ANKRD27: variants seen among roughly 807,000 people sequenced by gnomAD.
ANKRD27 encodes ankyrin repeat domain 27, also known as ankyrin repeat domain-containing protein 27.
ANKRD27 carries 112 observed loss-of-function variants against 129.7 expected under a neutral mutation model. The observed-to-expected ratio is 0.86, with a 90% CI of 0.74 to 1.01. The LOEUF is 1.01. Ranked by LOEUF, ANKRD27 falls within the 50% of genes least tolerant of loss-of-function variation. ANKRD27 has a pLI of 0.00. For synonymous variants in ANKRD27, 516 were observed against 511.2 expected, an observed-to-expected ratio of 1.01 and a Z score of -0.13; for missense variants, 1,258 against 1,300.5, an observed-to-expected ratio of 0.97 and a Z score of 0.50.
At chr19:32,650,669 C>T (rs1158681983) in intron 2 of ANKRD27, among the ~76,000 whole-genome samples, 3 of 142,786 alleles carry the variant, frequency 2.1e-5, no homozygotes, top group Non-Finnish European at 4.5e-5. Context: ...CAGAGCAAGA[C>T]TCTGTCTTTA....
chr19:32,673,811 C>T (rs1159845631), intron 1 of ANKRD27, among the ~76,000 whole-genome samples: 3 of 152,064 alleles, frequency 2.0e-5, no homozygotes, highest in Admixed American at 6.6e-5. Context: ...CCTTAGGCCA[C>T]CTCAACACCA....
intron 13 of ANKRD27, among the ~76,000 whole-genome samples, chr19:32,629,776 A>G (rs950868006): frequency 6.6e-6 from 1 of 151,554 alleles, no homozygotes; most frequent in Admixed American, 6.6e-5. Context: ...CAGACAACAC[A>G]TCTCTGAACA....
Position 32,597,756 on chromosome 19 carries a change from C to G in ANKRD27, c.*389G>C. 1 of 217,006 alleles carries G rather than the reference C, an allele frequency of 4.6e-6. No homozygotes were observed. The highest frequency in any genetic ancestry group is 1.0e-4 in the East Asian group (1 of 9,840). 13.4% of individuals were successfully genotyped at this position (217,006 alleles called of 1,614,324 possible). On this transcript the variant is annotated 3_prime_UTR_variant, in exon 29 of 29. Transcript: ENST00000306065. The stretch of plus-strand genomic sequence containing the variant: ...TTAATCCTAGGTGGAGGAATTCTAG[C>G]TGTGGTTTGTGAATGTACACAGGTC...
At chr19:32,656,080 AAAG>A (rs752691795) in intron 2 of ANKRD27, among the ~76,000 whole-genome samples, 91 of 26,336 alleles carry the variant, frequency 3.5e-3, no homozygotes, top group Middle Eastern at 0.021. Context: ...AGAAAGAAAG[AAAG>A]AAAGAAAGAA....
At chr19:32,602,944 A>G (rs1177486547) in intron 25 of ANKRD27, among the ~76,000 whole-genome samples, 1 of 152,132 alleles carries the variant, frequency 6.6e-6, no homozygotes, top group African/African-American at 2.4e-5. Context: ...AAAATTCAAC[A>G]TAATCATTTA....
In ANKRD27 at chr19:32,631,453, T is replaced by C. The variant is rs377036665; in HGVS notation, c.1158A>G (p.Arg386=). 1 of 1,614,080 alleles carries C rather than the reference T, an allele frequency of 6.2e-7. No homozygotes were observed. The highest frequency in any genetic ancestry group is 8.5e-7 in the Non-Finnish European group (1 of 1,180,012). ...GFGDRLFLKQ[R]MSLLSQMTSS... is the part of the protein sequence containing the mutation. ...AAGTCATCTGAGAGAGTAAGCTCAT[T>C]CTCTGCTTAAGGAACAGCCTGTCTC... Residue 386 remains arginine, a synonymous_variant, in exon 13 of 29, where the codon AGA becomes AGG. Coordinates refer to ENST00000306065, the MANE Select transcript of ANKRD27 (RefSeq NM_032139.3).
At chr19:32,617,733 G>T in intron 20 of ANKRD27, 100 bp from the exon 21 acceptor site, 1 of 526,338 alleles carries the variant, frequency 1.9e-6, no homozygotes, top group Non-Finnish European at 3.5e-6. Flanking sequence ...TTGATTTGTG[G>T]ACTTTTAACG....
At chr19:32,672,462 G>T (rs945946714) in intron 1 of ANKRD27, among the ~76,000 whole-genome samples, 1 of 152,170 alleles carries the variant, frequency 6.6e-6, no homozygotes, top group African/African-American at 2.4e-5. Context: ...AACGATAGTG[G>T]GGCATTAAGA....
intron 26 of ANKRD27, 85 bp downstream of exon 26, chr19:32,601,930 A>G (rs1437393980): frequency 7.3e-6 from 6 of 826,248 alleles, no homozygotes; most frequent in Non-Finnish European, 1.2e-5. Context: ...CACTTTACAT[A>G]TACAATTAAA....
In ANKRD27 at chr19:32,625,964, C is replaced by T. The variant is rs1362464447; in HGVS notation, c.1539G>A (p.Leu513=). 5.0e-6 allele frequency: 8 copies of T among 1,605,326 alleles called. No individual in the cohort carries two copies. Among genetic ancestry groups the T allele is most frequent in the Non-Finnish European group, 6.8e-6 (8 of 1,177,434 alleles). The part of the protein sequence containing the change: ...ACQKGYQSVT[L]LLLHYKASAE... ...CGCTGGCCTTGTAGTGCAGCAGCAG[C>T]AGCTGCGGAGATAAAGGAAAGCGAT... Residue 513 remains leucine (L), a splice_region_variant and synonymous_variant, in exon 17 of 29, where the codon CTG becomes CTA. Coordinates refer to ENST00000306065, the MANE Select transcript of ANKRD27 (RefSeq NM_032139.3).
chr19:32,645,622 CTTTTTA>C (rs146753709), intron 4 of ANKRD27, among the ~76,000 whole-genome samples: 3,647 of 151,234 alleles, frequency 0.024, 66 homozygotes, highest in East Asian at 0.11. Context: ...TATTTTTTTA[CTTTTTA>C]TTTTTATTTT....
chr19:32,619,360 T>C lies in ANKRD27; in HGVS notation c.1907A>G (p.Gln636Arg), dbSNP rs567223042. The C allele has an allele frequency of 1.9e-5, 30 of 1,613,720 alleles. No individual in the cohort carries two copies. In the South Asian group the frequency reaches 2.7e-4, roughly 15 times the overall value. ...TTGGCTGATGGAGTCCACGGAGCGC[T>C]GCGGGGACTGCACAGGGGCCTGCAG... is the stretch of plus-strand genomic sequence containing the variant. Reference protein sequence around the residue: ...KSSEAPVQSPQRSVDSISQES... With the variant: ...KSSEAPVQSPRRSVDSISQES... The change falls in exon 20 of 29, where the codon CAG becomes CGG. Residue 636 changes from glutamine to arginine, a missense_variant. Coordinates refer to ENST00000306065, the MANE Select transcript of ANKRD27 (RefSeq NM_032139.3).
intron 1 of ANKRD27, chr19:32,673,190 C>A: frequency 2.8e-6 from 2 of 725,132 alleles, no homozygotes; most frequent in Non-Finnish European, 3.4e-6. Flanking sequence ...AAGCTGCCGG[C>A]CAAGATTATT....
chr19:32,643,399 T>C (rs762582263), intron 7 of ANKRD27, 32 bp downstream of exon 7: 2 of 1,613,610 alleles, frequency 1.2e-6, no homozygotes, highest in African/African-American at 2.7e-5. Context: ...GGCAACAGGG[T>C]GTGCCTCCCA....
intron 22 of ANKRD27, among the ~76,000 whole-genome samples, chr19:32,609,824 A>G (rs1180202412): frequency 1.0e-5 from 1 of 99,956 alleles, no homozygotes; most frequent in Admixed American, 9.0e-5. Flanking sequence ...AATATAAATT[A>G]TATAAATTAT....
intron 26 of ANKRD27, among the ~76,000 whole-genome samples, chr19:32,601,698 G>A (rs994816126): frequency 6.6e-6 from 1 of 151,620 alleles, no homozygotes; most frequent in African/African-American, 2.4e-5. Context: ...TTTGGAACAT[G>A]AGGCATGAAA....
intron 12 of ANKRD27, among the ~76,000 whole-genome samples, chr19:32,632,031 A>G (rs900103485): frequency 6.6e-6 from 1 of 152,034 alleles, no homozygotes; most frequent in Non-Finnish European, 1.5e-5. Flanking sequence ...GCTCACACCT[A>G]TAATCCCAGC....
At chr19:32,668,786 C>T (rs1967810102) in intron 1 of ANKRD27, among the ~76,000 whole-genome samples, 1 of 151,960 alleles carries the variant, frequency 6.6e-6, no homozygotes, top group Admixed American at 6.6e-5. Flanking sequence ...GGTCTCGCTA[C>T]ATTGCCCAAG....
At chr19:32,610,138 C>T (rs1008198930) in intron 22 of ANKRD27, among the ~76,000 whole-genome samples, 3 of 152,054 alleles carry the variant, frequency 2.0e-5, no homozygotes, top group Non-Finnish European at 2.9e-5. Context: ...GGTGAAACTC[C>T]GTCTCTACTA....
Sources: allele counts gnomAD v4.1 joint callset (sites outside exome capture counted in the v4.1 genomes callset), GRCh38; gene constraint gnomAD v4.1.1; transcripts MANE v1.5; gene names NCBI Gene and HGNC (gene_info 2026-07-23, HGNC 2026-07-21).